FOXN1: variants seen among roughly 807,000 people sequenced by gnomAD.
FOXN1 encodes the protein forkhead box N1.
FOXN1 carries 15 observed loss-of-function variants against 49.0 expected under a neutral mutation model. The observed-to-expected ratio is 0.31, with a 90% CI of 0.20 to 0.47. The LOEUF (loss-of-function observed/expected upper bound fraction) is 0.47. Among genes scored for constraint, FOXN1 ranks in the 20% least tolerant of loss-of-function variants. FOXN1 has a pLI of 1.00. For synonymous variants in FOXN1, 356 were observed against 369.0 expected (o/e 0.96, Z 0.40); for missense variants, 800 against 842.8 (o/e 0.95, Z 0.63).
chr17:28,509,200 C>T (rs561893442), intron 1 of FOXN1, among the ~76,000 whole-genome samples: 2 of 151,808 alleles, frequency 1.3e-5, no homozygotes, highest in Admixed American at 1.3e-4. Context: ...CCTGCCCCTC[C>T]CTCCCTCTCT....
chr17:28,527,064 C>A (rs151255839), intron 3 of FOXN1, among the ~76,000 whole-genome samples, 187 bp from the exon 4 acceptor site: 1 of 152,316 alleles, frequency 6.6e-6, no homozygotes, highest in South Asian at 2.1e-4. Context: ...GTTCCAGCCC[C>A]GGCTCTACCA....
rs537403760 is a variant in FOXN1, at chr17:28,519,274, T to C, written c.-14-4682T>C. ...TGAGCCCAGGAGGTCGAGGCTGCAGTGAGTGATGATTGTGCCACTGCACTC... is the reference window on the plus strand; with the variant it reads ...TGAGCCCAGGAGGTCGAGGCTGCAGCGAGTGATGATTGTGCCACTGCACTC... On this transcript the variant is annotated intron_variant, in intron 1 of 8. Coordinates refer to ENST00000579795, the MANE Select transcript of FOXN1 (RefSeq NM_001369369.1). 7.3e-5 allele frequency among the ~76,000 whole-genome samples: 11 copies of C among 151,318 alleles called. No individual in the cohort carries two copies. The South Asian group carries it at 8.4e-4, about 11-fold the overall frequency.
At chr17:28,512,083 T>G (rs1387497156) in intron 1 of FOXN1, among the ~76,000 whole-genome samples, 2 of 151,994 alleles carry the variant, frequency 1.3e-5, no homozygotes, top group Non-Finnish European at 2.9e-5. Flanking sequence ...TGCTTAGAGG[T>G]CAGCCACTTC....
chr17:28,537,696 T>C lies in FOXN1; in HGVS notation c.*260T>C, dbSNP rs1296304854. On this transcript the variant is annotated 3_prime_UTR_variant, in exon 9 of 9. Transcript: ENST00000579795. ...AGCAAGCGTCTGGGCAAGAGGAAAA[T>C]GCCCTGTCCCTAGCTCACACTCATC... The C allele has an allele frequency of 3.4e-6, 2 of 584,906 alleles. No individual in the cohort carries two copies. The highest frequency in any genetic ancestry group is 3.7e-5 in the African/African-American group (2 of 53,526). 36.2% of individuals were successfully genotyped at this position (584,906 alleles called of 1,614,324 possible).
intron 1 of FOXN1, among the ~76,000 whole-genome samples, chr17:28,507,679 C>T (rs1292827491): frequency 6.6e-6 from 1 of 152,210 alleles, no homozygotes; most frequent in Non-Finnish European, 1.5e-5. Context: ...CTTCCTCCCG[C>T]ACTGAGGAAC....
intron 1 of FOXN1, among the ~76,000 whole-genome samples, chr17:28,519,720 G>C (rs687143): frequency 0.87 from 131,525 of 152,002 alleles, 57,146 homozygotes; most frequent in African/African-American, 0.9. Context: ...TCCAAAACAA[G>C]AGAGTCAACC....
In FOXN1 at chr17:28,534,845, C is replaced by T; in HGVS notation, c.1274C>T (p.Ser425Leu). Residue 425 changes from serine to leucine, a missense_variant, in exon 8 of 9, where the codon TCA (serine) becomes TTA (leucine). This residue lies in a region of FOXN1 where 344 missense variants were observed against 366.1 expected (regional missense o/e 0.94). Transcript: ENST00000579795. The surrounding 1 kb of genome is among the most constrained non-coding windows in gnomAD (Gnocchi z 4.1). Reference sequence around the variant, plus strand: ...GCTGGCCTCTCCCCACCACTGCACTCACTCCACCCAGCTCCAGGCCCCATT... The same window carrying T: ...GCTGGCCTCTCCCCACCACTGCACTTACTCCACCCAGCTCCAGGCCCCATT... ...PPAGLSPPLH[S>L]LHPAPGPIPG... 2 of 1,614,008 alleles carry T rather than the reference C, an allele frequency of 1.2e-6. No homozygotes were observed. Among genetic ancestry groups the T allele is most frequent in the Non-Finnish European group, 1.7e-6 (2 of 1,179,864 alleles).
intron 1 of FOXN1, among the ~76,000 whole-genome samples, chr17:28,520,256 C>A (rs1332322630): frequency 6.6e-6 from 1 of 152,220 alleles, no homozygotes; most frequent in Non-Finnish European, 1.5e-5. Flanking sequence ...CATCCAGGTT[C>A]CTGCAGTGAG....
At chr17:28,515,238 C>A (rs766407708) in intron 1 of FOXN1, among the ~76,000 whole-genome samples, 2 of 151,976 alleles carry the variant, frequency 1.3e-5, no homozygotes, top group Admixed American at 6.6e-5. Context: ...GTACATATCT[C>A]CACAGGGTAC....
Position 28,514,809 on chromosome 17 carries a change from G to A in FOXN1, c.-15+8366G>A, listed in dbSNP as rs541341302. Among the ~76,000 whole-genome samples, 24 of 152,216 alleles carry A rather than the reference G, an allele frequency of 1.6e-4. No individual in the cohort carries two copies. In the South Asian group the frequency reaches 2.7e-3, roughly 17 times the overall value. On this transcript the variant is annotated intron_variant, in intron 1 of 8. Transcript: ENST00000579795. Reference sequence around the variant, plus strand: ...CCTGGGGAGGACCCTTGGTGCCCCAGGCCTGTCTGTCCCTGTGATTCAGTT... The same window carrying A: ...CCTGGGGAGGACCCTTGGTGCCCCAAGCCTGTCTGTCCCTGTGATTCAGTT...
chr17:28,523,514 C>T (rs1015531498), intron 1 of FOXN1, among the ~76,000 whole-genome samples: 14 of 152,188 alleles, frequency 9.2e-5, no homozygotes, highest in African/African-American at 3.1e-4. Context: ...TCAGGACCAC[C>T]GACTTGCCCA....
intron 1 of FOXN1, among the ~76,000 whole-genome samples, chr17:28,509,813 G>C (rs1026720369): frequency 1.3e-5 from 2 of 152,252 alleles, no homozygotes; most frequent in African/African-American, 4.8e-5. Flanking sequence ...AGGGGGCTGG[G>C]AGCGTAACTG....
chr17:28,524,722 T>C lies in FOXN1; in HGVS notation c.343T>C (p.Phe115Leu), dbSNP rs1477404190. The change falls in exon 3 of 9, where the codon TTC (phenylalanine) becomes CTC (leucine). Residue 115 changes from phenylalanine to leucine, a missense_variant. By Grantham distance (22) the Phe-to-Leu change is conservative. Coordinates refer to ENST00000579795, the MANE Select transcript of FOXN1 (RefSeq NM_001369369.1). ...GGCCGCAGCAAGCAGCCCTGGGCGATTCCTCAAGGGCAGCCACGCGCCCTT... is the reference window on the plus strand; with the variant it reads ...GGCCGCAGCAAGCAGCCCTGGGCGACTCCTCAAGGGCAGCCACGCGCCCTT... ...EEAAASSPGR[F>L]LKGSHAPFHP... is the part of the protein sequence containing the mutation. The C allele has an allele frequency of 6.2e-7, 1 of 1,612,724 alleles. No homozygotes were observed. The highest frequency in any genetic ancestry group is 1.3e-5 in the African/African-American group (1 of 75,010).
Position 28,524,049 on chromosome 17 carries a change from T to C in FOXN1, c.80T>C (p.Leu27Pro), listed in dbSNP as rs1439529407. ...CTGGAGGGCGAGCGCCAAGGGGACC[T>C]CATGCAGGCACCGGGCCTCCCAGGC... ...TRLEGERQGDLMQAPGLPGSP... is the reference protein window; with the variant it reads ...TRLEGERQGDPMQAPGLPGSP... Residue 27 changes from leucine to proline, a missense_variant, in exon 2 of 9, where the codon CTC becomes CCC. Leu to Pro is a moderately conservative substitution (Grantham distance 98, BLOSUM62 -3). Around this residue, in one of 3 missense-constraint regions of FOXN1, gnomAD observed 383 missense variants for 357.9 expected, o/e 1.07. Transcript: ENST00000579795. 3 of 1,611,372 alleles carry C rather than the reference T, an allele frequency of 1.9e-6. No homozygotes were observed. The highest frequency in any genetic ancestry group is 2.5e-6 in the Non-Finnish European group (3 of 1,179,692).
At chr17:28,520,004 A>C (rs2069607879) in intron 1 of FOXN1, among the ~76,000 whole-genome samples, 2 of 152,150 alleles carry the variant, frequency 1.3e-5, no homozygotes, top group African/African-American at 4.8e-5. Context: ...GCTATCATTT[A>C]TTGAGCATGT....
chr17:28,532,070 C>A (rs1168616807), intron 6 of FOXN1, among the ~76,000 whole-genome samples: 3 of 152,092 alleles, frequency 2.0e-5, no homozygotes, highest in Admixed American at 6.5e-5. Flanking sequence ...ACCCCTAAAG[C>A]TTTTGGAGGG....
chr17:28,508,527 G>C (rs541320113), intron 1 of FOXN1, among the ~76,000 whole-genome samples: 2 of 152,244 alleles, frequency 1.3e-5, no homozygotes, highest in South Asian at 4.2e-4. Flanking sequence ...CTCTAGCTAG[G>C]AAGTCCTTCC....
chr17:28,514,516 C>T (rs1040284697), intron 1 of FOXN1, among the ~76,000 whole-genome samples: 1 of 152,074 alleles, frequency 6.6e-6, no homozygotes, highest in Non-Finnish European at 1.5e-5. Context: ...CCTTGGGTGC[C>T]CAAGCCTCAG....
intron 4 of FOXN1, 143 bp downstream of exon 4, chr17:28,527,504 C>A: frequency 1.5e-6 from 1 of 681,982 alleles, no homozygotes; most frequent in Non-Finnish European, 2.7e-6. Context: ...TTAGGCTTGG[C>A]CACAGCAGGT....
Sources: allele counts gnomAD v4.1 joint callset (sites outside exome capture counted in the v4.1 genomes callset), GRCh38; gene constraint gnomAD v4.1.1; regional missense constraint gnomAD v4.1.1; non-coding constraint Gnocchi (gnomAD v3.1); transcripts MANE v1.5; gene names NCBI Gene and HGNC (gene_info 2026-07-23, HGNC 2026-07-21).